Variants in VGLL4 observed in about 807,000 individuals in gnomAD.
The protein encoded by VGLL4 is transcription cofactor vestigial-like protein 4.
In VGLL4, 7 loss-of-function variants were observed where a neutral mutation model predicts 21.0. The ratio of observed to expected loss-of-function variants is 0.33; its 90% CI spans 0.19 to 0.63. VGLL4 has a LOEUF of 0.63. VGLL4 is among the 20% of genes least tolerant of loss of function. The pLI, the probability that VGLL4 is intolerant of heterozygous loss-of-function variation, is 0.78. For synonymous variants in VGLL4, 222 were observed against 173.2 expected, an observed-to-expected ratio of 1.28 and a Z score of -2.21; for missense variants, 394 against 425.7, an observed-to-expected ratio of 0.93 and a Z score of 0.66.
chr3:11,659,806 G>A (rs996229398), intron 2 of VGLL4, among the ~76,000 whole-genome samples: 1 of 152,184 alleles, frequency 6.6e-6, no homozygotes, highest in Admixed American at 6.5e-5. Context: ...TGCATGAGCA[G>A]ATTAAGTGAA....
intron 2 of VGLL4, among the ~76,000 whole-genome samples, chr3:11,698,500 C>T (rs1366735043): frequency 1.3e-5 from 2 of 152,170 alleles, no homozygotes; most frequent in African/African-American, 4.8e-5. Context: ...ATGAGCAAGA[C>T]TCTGTCTCCA....
At chr3:11,638,645 C>A (rs1463240749) in intron 1 of VGLL4, among the ~76,000 whole-genome samples, 1 of 152,102 alleles carries the variant, frequency 6.6e-6, no homozygotes, top group Non-Finnish European at 1.5e-5. Flanking sequence ...AGATGTTCTA[C>A]CTCGGAATAC....
At chr3:11,690,405 C>T (rs1206667351) in intron 2 of VGLL4, among the ~76,000 whole-genome samples, 1 of 152,114 alleles carries the variant, frequency 6.6e-6, no homozygotes, top group African/African-American at 2.4e-5. Flanking sequence ...CCATTTTACT[C>T]CTAAAAATCC....
intron 2 of VGLL4, among the ~76,000 whole-genome samples, chr3:11,698,249 A>G (rs1410134959): frequency 1.3e-5 from 2 of 152,120 alleles, no homozygotes; most frequent in African/African-American, 4.8e-5. Flanking sequence ...CTGTAATCCT[A>G]GGTGTGAGGA....
At chr3:11,687,272 A>G (rs1033144541) in intron 2 of VGLL4, among the ~76,000 whole-genome samples, 6 of 152,206 alleles carry the variant, frequency 3.9e-5, no homozygotes, top group Non-Finnish European at 7.3e-5. Context: ...GTACAGATTA[A>G]TTTGAATGTA....
intron 2 of VGLL4, chr3:11,702,813 C>A: frequency 9.8e-6 from 4 of 407,640 alleles, no homozygotes; most frequent in Admixed American, 9.1e-5. Flanking sequence ...CTTGAAAATA[C>A]AAATGAGGAT....
intron 2 of VGLL4, among the ~76,000 whole-genome samples, chr3:11,693,509 C>CTTCTATGTTGCCTCTGGGTTATCTTG (rs1273885082): frequency 2.0e-5 from 3 of 152,198 alleles, no homozygotes; most frequent in Non-Finnish European, 2.9e-5. Context: ...ATGACACTCC[C>CTTCTATGTTGCCTCTGGGTTATCTTG]TTCTATGTTG....
rs2073395910 is a variant in VGLL4 at position 11,565,015 on chromosome 3, T to C, written c.277A>G (p.Lys93Glu). 1.3e-6 allele frequency: 2 copies of C among 1,481,688 alleles called. No homozygotes were observed. Among genetic ancestry groups the C allele is most frequent in the Admixed American group, 2.6e-5 (1 of 39,076 alleles). The allele number at this position is 1,481,688 out of a possible 1,614,324, so 91.8% of individuals were successfully genotyped here. The part of the protein sequence containing the change: ...MSRIFNPHLN[K>E]TANGDCRRDP... ...CTGCGGCAGTCTCCATTGGCAGTCT[T>C]GTTCCTGAAAAAGAGGAATGGGCAT... is the stretch of plus-strand genomic sequence containing the variant. Residue 93 changes from lysine (K) to glutamate (E), a missense_variant, in exon 3 of 5, where the codon AAG (lysine) becomes GAG (glutamate). Transcript: ENST00000430365. This position sits in a 1 kb window ranked among gnomAD's most constrained non-coding sequence, Gnocchi z 4.1.
chr3:11,579,190 G>A (rs1487921940), intron 2 of VGLL4, among the ~76,000 whole-genome samples: 1 of 149,660 alleles, frequency 6.7e-6, no homozygotes, highest in Non-Finnish European at 1.5e-5. Flanking sequence ...CAAAACTAGG[G>A]GGAAAGGGTT....
intron 2 of VGLL4, among the ~76,000 whole-genome samples, chr3:11,649,199 G>C (rs2075834704): frequency 6.6e-6 from 1 of 152,182 alleles, no homozygotes; most frequent in South Asian, 2.1e-4. Flanking sequence ...AATCTATAAT[G>C]ACATGAGGAA....
At position 11,564,972 on chromosome 3, in the gene VGLL4, C is replaced by A. The variant is rs1172819114; in HGVS notation, c.320G>T (p.Ser107Ile). 1 of 1,540,564 alleles carries A rather than the reference C, an allele frequency of 6.5e-7. No individual in the cohort carries two copies. The highest frequency in any genetic ancestry group is 8.7e-7 in the Non-Finnish European group (1 of 1,144,070). The change falls in exon 3 of 5, where the codon AGC becomes ATC. Residue 107 changes from serine (S) to isoleucine (I), a missense_variant. Physicochemically the swap from Ser to Ile is moderately radical, Grantham distance 142. Coordinates refer to ENST00000430365, the MANE Select transcript of VGLL4 (RefSeq NM_001128219.3). Reference protein sequence around the residue: ...GDCRRDPRERSRSPIERAVAP... With the variant: ...GDCRRDPRERIRSPIERAVAP... ...CACAGCGCGCTCGATGGGGCTGCGGCTCCGCTCCCGGGGGTCTCTGCGGCA... is the reference window on the plus strand; with the variant it reads ...CACAGCGCGCTCGATGGGGCTGCGGATCCGCTCCCGGGGGTCTCTGCGGCA...
chr3:11,598,682 G>C (rs891198400), intron 2 of VGLL4, among the ~76,000 whole-genome samples: 4 of 151,888 alleles, frequency 2.6e-5, no homozygotes, highest in Admixed American at 2.6e-4. Context: ...GTAGAGATGG[G>C]GGTCTTGCTA....
At chr3:11,651,899 C>T (rs1183635661) in intron 2 of VGLL4, among the ~76,000 whole-genome samples, 1 of 152,034 alleles carries the variant, frequency 6.6e-6, no homozygotes, top group Admixed American at 6.6e-5. Context: ...TTTAAAAGGA[C>T]AGTATTTTGT....
chr3:11,696,074 C>A (rs2076602868), intron 2 of VGLL4, among the ~76,000 whole-genome samples: 1 of 152,200 alleles, frequency 6.6e-6, no homozygotes. Context: ...CCCGTTTGGG[C>A]TTTCCTGATG....
intron 1 of VGLL4, among the ~76,000 whole-genome samples, chr3:11,643,148 T>C (rs1457573973): frequency 6.6e-6 from 1 of 152,072 alleles, no homozygotes; most frequent in African/African-American, 2.4e-5. Flanking sequence ...AAATCAAAAA[T>C]ACATACATTT....
At position 11,573,300 on chromosome 3, in the gene VGLL4, AAAGAAAGG is replaced by A. The variant is rs1202001902; in HGVS notation, c.273-8289_273-8282del. Among the ~76,000 whole-genome samples the A allele has an allele frequency of 3.4e-3, 32 of 9,534 alleles. 2 individuals are homozygous for A. The highest frequency in any genetic ancestry group is 0.01 in the African/African-American group (15 of 1,476). The allele number at this position is 9,534 out of a possible 152,430, so 6.3% of individuals were successfully genotyped here. A position where few individuals can be genotyped will look rare whatever the true frequency, so the allele number is the denominator to read the frequency against. Reference sequence around the variant, plus strand: ...GAAAGAAAGAAAGAAAGAAAGAAAGAAAGAAAGGAAGGAAGGAAGAAAGAAAGAAAGAA... The same window carrying A: ...GAAAGAAAGAAAGAAAGAAAGAAAGAAAGGAAGGAAGAAAGAAAGAAAGAA... On this transcript the variant is annotated intron_variant, in intron 2 of 4. Transcript: ENST00000430365.
At chr3:11,650,944 A>T (rs1465598147) in intron 2 of VGLL4, among the ~76,000 whole-genome samples, 1 of 152,172 alleles carries the variant, frequency 6.6e-6, no homozygotes, top group Non-Finnish European at 1.5e-5. Context: ...AGTACCAATG[A>T]TGATGATGAT....
chr3:11,720,211 C>T (rs1366378359), intron 1 of VGLL4, among the ~76,000 whole-genome samples: 1 of 14,364 alleles, frequency 7.0e-5, no homozygotes, highest in East Asian at 2.6e-3. Context: ...CGCCGCCCTC[C>T]GCTTCCCCCG....
At position 11,558,315 on chromosome 3, in the gene VGLL4, G is replaced by C; in HGVS notation, c.*241C>G. The C allele has an allele frequency of 1.6e-6, 1 of 629,252 alleles. No homozygotes were observed. The highest frequency in any genetic ancestry group is 2.5e-5 in the South Asian group (1 of 40,292). The allele number at this position is 629,252 out of a possible 1,614,324, so 39.0% of individuals were successfully genotyped here. Reference sequence around the variant, plus strand: ...TTTGGTAACTGAGGCAGGAAGTAAGGATGCTACATTAGACAGATGTTCCAC... The same window carrying C: ...TTTGGTAACTGAGGCAGGAAGTAAGCATGCTACATTAGACAGATGTTCCAC... On this transcript the variant is annotated 3_prime_UTR_variant, in exon 5 of 5. Transcript: ENST00000430365.
Sources: allele counts gnomAD v4.1 joint callset (sites outside exome capture counted in the v4.1 genomes callset), GRCh38; gene constraint gnomAD v4.1.1; non-coding constraint Gnocchi (gnomAD v3.1); transcripts MANE v1.5; gene names NCBI Gene and HGNC (gene_info 2026-07-23, HGNC 2026-07-21).